GLIS3: variants seen among roughly 807,000 people sequenced by gnomAD.
GLIS3 encodes the protein GLIS family zinc finger 3.
Under a neutral mutation model 78.6 loss-of-function variants are expected in GLIS3, and 53 were observed. That is an observed-to-expected ratio of 0.67 (90% CI 0.54 to 0.85). The LOEUF is 0.85. GLIS3 is among the 40% of genes least tolerant of loss of function. The pLI is 0.00. For synonymous variants in GLIS3, 684 were observed against 509.9 expected (o/e 1.34, Z -4.60); for missense variants, 1,703 against 1,231.1 (o/e 1.38, Z -5.74).
intron 4 of GLIS3, among the ~76,000 whole-genome samples, chr9:3,950,677 A>G (rs1345766150): frequency 6.6e-6 from 1 of 152,238 alleles, no homozygotes; most frequent in African/African-American, 2.4e-5. Flanking sequence ...TCTCTCACAT[A>G]TATGCCCTTA....
intron 2 of GLIS3, among the ~76,000 whole-genome samples, chr9:4,318,430 G>T (rs1817471770): frequency 6.6e-6 from 1 of 152,030 alleles, no homozygotes; most frequent in South Asian, 2.1e-4. Flanking sequence ...CTAGGGCAGG[G>T]AAAGTACAAA....
At chr9:4,187,604 G>T (rs138920238) in intron 2 of GLIS3, among the ~76,000 whole-genome samples, 1 of 152,124 alleles carries the variant, frequency 6.6e-6, no homozygotes, top group Non-Finnish European at 1.5e-5. Flanking sequence ...CCATTTTCCC[G>T]ATATTGATTC....
intron 4 of GLIS3, among the ~76,000 whole-genome samples, chr9:4,030,449 C>G (rs1823736646): frequency 6.6e-6 from 1 of 152,140 alleles, no homozygotes; most frequent in African/African-American, 2.4e-5. Flanking sequence ...TTGATGTGAT[C>G]TCATTTGTCC....
At chr9:4,192,471 A>C (rs887517889) in intron 2 of GLIS3, among the ~76,000 whole-genome samples, 1 of 152,366 alleles carries the variant, frequency 6.6e-6, no homozygotes, top group South Asian at 2.1e-4. Context: ...ACCAATTTCC[A>C]AACAAACTTT....
At chr9:4,243,177 C>G (rs1357139761) in intron 2 of GLIS3, among the ~76,000 whole-genome samples, 2 of 152,164 alleles carry the variant, frequency 1.3e-5, no homozygotes, top group East Asian at 3.9e-4. Context: ...TGGTATCAAA[C>G]CCACTTAATA....
Position 3,898,674 on chromosome 9 carries a change from G to T in GLIS3, c.2128+17C>A. ...AAAAAGGGTAGTTGTGGTTGGCTCT[G>T]CCTTTGCTGTCTTTACCTGAATAGA... On this transcript the variant is annotated intron_variant, in intron 7 of 10. Coordinates refer to ENST00000381971, the MANE Select transcript of GLIS3 (RefSeq NM_001042413.2). 6.2e-7 allele frequency: 1 copy of T among 1,614,034 alleles called. No individual in the cohort carries two copies. Among genetic ancestry groups the T allele is most frequent in the Non-Finnish European group, 8.5e-7 (1 of 1,179,968 alleles).
At chr9:4,301,601 G>A (rs10758596), upstream of GLIS3, among the ~76,000 whole-genome samples, 118,367 of 152,168 alleles carry the variant, frequency 0.78, 49,028 homozygotes, top group South Asian at 0.94. Flanking sequence ...TTCTTGTGCT[G>A]TACAACTGCT....
chr9:4,313,837 G>A (rs1006558733), intron 2 of GLIS3, among the ~76,000 whole-genome samples: 1 of 152,218 alleles, frequency 6.6e-6, no homozygotes, highest in African/African-American at 2.4e-5. Context: ...TGTTGCAGGA[G>A]GTAGGTGATC....
chr9:4,257,736 G>A (rs1295046967), intron 2 of GLIS3, among the ~76,000 whole-genome samples: 1 of 152,014 alleles, frequency 6.6e-6, no homozygotes, highest in South Asian at 2.1e-4. Flanking sequence ...ACCACGCCCG[G>A]CTAATTTTTT....
chr9:4,439,980 G>A, the GLIS3 span, among the ~76,000 whole-genome samples: 1 of 152,186 alleles, frequency 6.6e-6, no homozygotes, highest in Non-Finnish European at 1.5e-5. Context: ...ACCGTGCCCA[G>A]CCTACATGTC....
the GLIS3 span, among the ~76,000 whole-genome samples, chr9:4,390,690 CCA>C: frequency 1.3e-5 from 2 of 152,142 alleles, no homozygotes; most frequent in East Asian, 3.9e-4. Flanking sequence ...GCTAGAAGAT[CCA>C]GAGTTGGTGG....
At chr9:3,963,848 A>C (rs12552362) in intron 4 of GLIS3, among the ~76,000 whole-genome samples, 13,089 of 151,930 alleles carry the variant, frequency 0.086, 607 homozygotes, top group Middle Eastern at 0.15. Flanking sequence ...CAGTGCTGGC[A>C]AGGGCCTTCC....
chr9:4,284,962 T>G (rs1180758626), intron 2 of GLIS3, among the ~76,000 whole-genome samples: 1 of 32,452 alleles, frequency 3.1e-5, no homozygotes, highest in Non-Finnish European at 5.7e-5. Flanking sequence ...TTTAGTGCTA[T>G]TTTTTTTTTA....
At chr9:4,388,451 G>C in the GLIS3 span, among the ~76,000 whole-genome samples, 1 of 152,118 alleles carries the variant, frequency 6.6e-6, no homozygotes, top group African/African-American at 2.4e-5. Context: ...GGCTGAGGTG[G>C]GCAGATCACG....
At chr9:4,180,071 A>T (rs1002166974) in intron 2 of GLIS3, among the ~76,000 whole-genome samples, 1 of 152,006 alleles carries the variant, frequency 6.6e-6, no homozygotes, top group Non-Finnish European at 1.5e-5. Context: ...AGACTCCGCC[A>T]CCTCTAAGTT....
the GLIS3 span, among the ~76,000 whole-genome samples, chr9:4,372,262 G>C: frequency 2.0e-5 from 3 of 152,146 alleles, no homozygotes; most frequent in Non-Finnish European, 4.4e-5. Context: ...TTAATGCTTT[G>C]CTGTTGCCAT....
chr9:3,895,628 G>A (rs1822774952), intron 7 of GLIS3, among the ~76,000 whole-genome samples: 2 of 152,204 alleles, frequency 1.3e-5, no homozygotes, highest in Non-Finnish European at 2.9e-5. Context: ...AACCTGAAAA[G>A]TTTGTTTCAA....
intron 4 of GLIS3, among the ~76,000 whole-genome samples, chr9:4,104,453 C>A (rs745432540): frequency 1.3e-5 from 2 of 152,164 alleles, no homozygotes; most frequent in Non-Finnish European, 2.9e-5. Flanking sequence ...CAGAAGGCTA[C>A]GGCAGTGCCC....
intron 2 of GLIS3, among the ~76,000 whole-genome samples, chr9:4,142,995 G>A (rs1198055242): frequency 6.6e-6 from 1 of 151,872 alleles, no homozygotes; most frequent in African/African-American, 2.4e-5. Context: ...ATAGCTGTTG[G>A]GTACTAGTTA....
Sources: allele counts gnomAD v4.1 joint callset (sites outside exome capture counted in the v4.1 genomes callset), GRCh38; gene constraint gnomAD v4.1.1; transcripts MANE v1.5; gene names NCBI Gene and HGNC (gene_info 2026-07-23, HGNC 2026-07-21).